Variants in PTPRD observed in about 807,000 individuals in gnomAD.
PTPRD encodes the protein protein tyrosine phosphatase receptor type D, also known as receptor-type tyrosine-protein phosphatase delta.
A neutral mutation model predicts 214.5 loss-of-function variants in PTPRD; 34 were observed. That is an observed-to-expected ratio of 0.16 (90% CI 0.12 to 0.21). PTPRD has a LOEUF of 0.21. PTPRD is among the 10% of genes least tolerant of loss of function. The pLI is 1.00. For missense variants in PTPRD, 2,545 were observed against 2,398.7 expected, an observed-to-expected ratio of 1.06 and a Z score of -1.27; for synonymous variants, 1,128 against 845.7, an observed-to-expected ratio of 1.33 and a Z score of -5.79.
At chr9:10,464,400 GAGAT>G (rs750097690) in intron 2 of PTPRD, among the ~76,000 whole-genome samples, 383 of 144,622 alleles carry the variant, frequency 2.6e-3, no homozygotes, top group Middle Eastern at 0.017. Context: ...GAGAGAGAGA[GAGAT>G]AGAGAGACAG....
chr9:8,898,657 T>A (rs1228729621), intron 11 of PTPRD, among the ~76,000 whole-genome samples: 2 of 152,182 alleles, frequency 1.3e-5, no homozygotes, highest in African/African-American at 4.8e-5. Flanking sequence ...CCATAAGACT[T>A]GGCACGAATA....
At chr9:9,998,118 A>T (rs1043098576) in intron 4 of PTPRD, among the ~76,000 whole-genome samples, 18 of 72,416 alleles carry the variant, frequency 2.5e-4, no homozygotes, top group Non-Finnish European at 4.7e-4. Flanking sequence ...AGTATAATAA[A>T]AAAAAAAAAA....
intron 2 of PTPRD, among the ~76,000 whole-genome samples, chr9:10,373,822 T>A (rs184007320): frequency 1.5e-3 from 224 of 152,234 alleles, no homozygotes; most frequent in South Asian, 2.3e-3. Context: ...AACAATTAGC[T>A]GGAGCTTAGC....
chr9:9,709,202 T>C (rs1462977321), intron 7 of PTPRD, among the ~76,000 whole-genome samples: 10 of 152,020 alleles, frequency 6.6e-5, no homozygotes, highest in Admixed American at 6.6e-4. Flanking sequence ...GCTTAGTATT[T>C]TCTTACAACT....
At chr9:8,722,900 G>C (rs1035673942) in intron 12 of PTPRD, among the ~76,000 whole-genome samples, 2 of 152,174 alleles carry the variant, frequency 1.3e-5, no homozygotes, top group African/African-American at 2.4e-5. Flanking sequence ...ATATCGGCTG[G>C]TGCAAAGAAA....
chr9:8,929,436 A>G (rs574442938), intron 11 of PTPRD, among the ~76,000 whole-genome samples: 15 of 152,064 alleles, frequency 9.9e-5, no homozygotes, highest in African/African-American at 2.9e-4. Context: ...TTCTGCATCT[A>G]TGGAGATAAT....
chr9:8,870,902 CA>C (rs2098287723), intron 11 of PTPRD, among the ~76,000 whole-genome samples: 1 of 152,126 alleles, frequency 6.6e-6, no homozygotes, highest in Admixed American at 6.6e-5. Context: ...GGGAAAAGGA[CA>C]CAGGCAGTTT....
intron 8 of PTPRD, among the ~76,000 whole-genome samples, chr9:9,509,973 G>A (rs906941026): frequency 6.6e-6 from 1 of 151,536 alleles, no homozygotes; most frequent in African/African-American, 2.4e-5. Flanking sequence ...CCTAACAAGA[G>A]GCCACAAAGC....
rs2098688597 is a variant in PTPRD, at chr9:8,733,889, C to T, written c.-46G>A. 1.3e-6 allele frequency: 2 copies of T among 1,538,090 alleles called. No individual in the cohort carries two copies. The highest frequency in any genetic ancestry group is 8.8e-7 in the Non-Finnish European group (1 of 1,138,824). Reference sequence around the variant, plus strand: ...TGCGCGAGCAGCTTGGAATCACTGCCTCCGGAGCCGCAGCGAGTCTGTCCG... The same window carrying T: ...TGCGCGAGCAGCTTGGAATCACTGCTTCCGGAGCCGCAGCGAGTCTGTCCG... On this transcript the variant is annotated 5_prime_UTR_variant, in exon 12 of 46. Coordinates refer to ENST00000381196, the MANE Select transcript of PTPRD (RefSeq NM_002839.4).
intron 8 of PTPRD, among the ~76,000 whole-genome samples, chr9:9,405,598 G>T (rs2072973646): frequency 1.3e-5 from 2 of 152,002 alleles, no homozygotes; most frequent in African/African-American, 4.8e-5. Flanking sequence ...TTCAGGACTT[G>T]TGCTTTAGCT....
At chr9:10,052,772 T>G (rs141012486) in intron 3 of PTPRD, among the ~76,000 whole-genome samples, 3 of 152,110 alleles carry the variant, frequency 2.0e-5, no homozygotes, top group African/African-American at 7.2e-5. Context: ...TTCTTCAAAA[T>G]GTATCCATCT....
At chr9:8,656,873 T>C (rs1468720034) in intron 12 of PTPRD, among the ~76,000 whole-genome samples, 1 of 152,184 alleles carries the variant, frequency 6.6e-6, no homozygotes, top group Admixed American at 6.5e-5. Context: ...TCAAAGAGTG[T>C]TACAACCTGT....
intron 8 of PTPRD, among the ~76,000 whole-genome samples, chr9:9,513,598 CAAAT>C (rs1164910265): frequency 9.1e-5 from 5 of 54,672 alleles, no homozygotes; most frequent in African/African-American, 4.3e-4. Flanking sequence ...AAAAAAAAAA[CAAAT>C]AAAAAATCTC....
chr9:10,352,583 G>A (rs947177765), intron 2 of PTPRD, among the ~76,000 whole-genome samples: 1 of 152,024 alleles, frequency 6.6e-6, no homozygotes, highest in Non-Finnish European at 1.5e-5. Flanking sequence ...AGGAGAAATA[G>A]CTATATATGC....
chr9:9,955,159 ACT>A (rs1414438682), intron 4 of PTPRD, among the ~76,000 whole-genome samples: 1 of 152,198 alleles, frequency 6.6e-6, no homozygotes, highest in African/African-American at 2.4e-5. Context: ...TTAAGTAAGC[ACT>A]GTCAGCAAAC....
chr9:9,969,200 T>C (rs1421923184), intron 4 of PTPRD, among the ~76,000 whole-genome samples: 1 of 152,120 alleles, frequency 6.6e-6, no homozygotes, highest in African/African-American at 2.4e-5. Flanking sequence ...GATTTAGCGA[T>C]CAAAGAATTA....
intron 12 of PTPRD, among the ~76,000 whole-genome samples, chr9:8,703,084 A>G (rs1050188358): frequency 2.6e-5 from 4 of 152,356 alleles, no homozygotes; most frequent in African/African-American, 9.6e-5. Context: ...TCAAATCAGC[A>G]GAAGAGCTGG....
In PTPRD at chr9:9,934,338, T is replaced by C. The variant is rs570772649; in HGVS notation, c.-368+4169A>G. Reference sequence around the variant, plus strand: ...CAAAATAGACTGCTAGCAAGACTAATAAAGAAGAAAAGAGAGAAGAATCAA... The same window carrying C: ...CAAAATAGACTGCTAGCAAGACTAACAAAGAAGAAAAGAGAGAAGAATCAA... On this transcript the variant is annotated intron_variant, in intron 5 of 45. Coordinates refer to ENST00000381196, the MANE Select transcript of PTPRD (RefSeq NM_002839.4). Among the ~76,000 whole-genome samples the C allele has an allele frequency of 2.7e-5, 4 of 150,376 alleles. No homozygotes were observed. The South Asian group carries it at 8.5e-4, about 32-fold the overall frequency.
chr9:9,956,676 A>G lies in PTPRD; in HGVS notation c.-471-18066T>C, dbSNP rs77535220. Among the ~76,000 whole-genome samples the G allele has an allele frequency of 4.6e-5, 7 of 152,242 alleles. No homozygotes were observed. In the East Asian group the frequency reaches 1.2e-3, roughly 25 times the overall value. On this transcript the variant is annotated intron_variant, in intron 4 of 45. Coordinates refer to ENST00000381196, the MANE Select transcript of PTPRD (RefSeq NM_002839.4). ...GGACATATGTGAATGAGACAAGGGAATGGCCCATACATGAATGAGACAAGG... is the reference window on the plus strand; with the variant it reads ...GGACATATGTGAATGAGACAAGGGAGTGGCCCATACATGAATGAGACAAGG...
Sources: allele counts gnomAD v4.1 joint callset (sites outside exome capture counted in the v4.1 genomes callset), GRCh38; gene constraint gnomAD v4.1.1; transcripts MANE v1.5; gene names NCBI Gene and HGNC (gene_info 2026-07-23, HGNC 2026-07-21).